Variants in UBA6 observed in about 807,000 individuals in gnomAD.
The protein encoded by UBA6 is ubiquitin-like modifier-activating enzyme 6.
UBA6 carries 87 observed loss-of-function variants against 148.3 expected under a neutral mutation model. The observed-to-expected ratio is 0.59, with a 90% CI of 0.49 to 0.70. The LOEUF (loss-of-function observed/expected upper bound fraction) is 0.70. Ranked by LOEUF, UBA6 falls within the 30% of genes least tolerant of loss-of-function variation. The pLI is 0.00. For missense variants in UBA6, 1,186 were observed against 1,241.2 expected (o/e 0.96, Z 0.67); for synonymous variants, 376 against 401.0 (o/e 0.94, Z 0.75).
In UBA6 at chr4:67,678,542, A is replaced by G; in HGVS notation, c.259-9T>C. 6.4e-7 allele frequency: 1 copy of G among 1,564,290 alleles called. No homozygotes were observed. Among genetic ancestry groups the G allele is most frequent in the Non-Finnish European group, 8.7e-7 (1 of 1,144,738 alleles). On this transcript the variant is annotated splice_polypyrimidine_tract_variant and intron_variant, in intron 4 of 32. Coordinates refer to ENST00000322244, the MANE Select transcript of UBA6 (RefSeq NM_018227.6). ...TCATGAATTGTAACTGCCTTCAAAA[A>G]AGAAAAAAGTATTGGTTGAAGTCAG...
At chr4:67,692,328 G>GA (rs1730713461) in intron 2 of UBA6, among the ~76,000 whole-genome samples, 1 of 152,074 alleles carries the variant, frequency 6.6e-6, no homozygotes, top group Non-Finnish European at 1.5e-5. Flanking sequence ...GCTCTATTTT[G>GA]AAAAAAATTG....
At chr4:67,624,868 A>C (rs1272941469) in intron 29 of UBA6, 126 bp downstream of exon 29, 2 of 715,650 alleles carry the variant, frequency 2.8e-6, no homozygotes, top group African/African-American at 3.5e-5. Flanking sequence ...TGAAATTTTA[A>C]ATTATGAGAT....
chr4:67,659,635 C>T (rs4860856), intron 13 of UBA6, among the ~76,000 whole-genome samples: 1,118 of 16,846 alleles, frequency 0.066, 2 homozygotes, highest in East Asian at 0.18. Flanking sequence ...ATATAAAATA[C>T]ATATATTTTA....
At chr4:67,700,019 G>A (rs1413333138) in intron 1 of UBA6, among the ~76,000 whole-genome samples, 2 of 152,322 alleles carry the variant, frequency 1.3e-5, no homozygotes, top group South Asian at 2.1e-4. Flanking sequence ...ATAAAAACGA[G>A]AACAGCTGCA....
Position 67,681,556 on chromosome 4 carries a change from T to C in UBA6, c.258+7A>G, listed in dbSNP as rs1362425845. On this transcript the variant is annotated splice_region_variant and intron_variant, in intron 4 of 32. Coordinates refer to ENST00000322244, the MANE Select transcript of UBA6 (RefSeq NM_018227.6). Reference sequence around the variant, plus strand: ...AACAATTTTTCTTACAGAGGACATTTACTTACCTTAATCCCTGCAAGAACA... The same window carrying C: ...AACAATTTTTCTTACAGAGGACATTCACTTACCTTAATCCCTGCAAGAACA... 5 of 1,569,440 alleles carry C rather than the reference T, an allele frequency of 3.2e-6. No individual in the cohort carries two copies. In the Admixed American group the frequency reaches 8.3e-5, roughly 26 times the overall value.
chr4:67,700,314 A>G (rs1436032443), intron 1 of UBA6, among the ~76,000 whole-genome samples: 1 of 152,190 alleles, frequency 6.6e-6, no homozygotes, highest in Admixed American at 6.5e-5. Flanking sequence ...CATCAATTCT[A>G]TCTTTGGCAT....
chr4:67,660,054 G>A (rs576283766), intron 13 of UBA6, among the ~76,000 whole-genome samples: 1 of 152,216 alleles, frequency 6.6e-6, no homozygotes. Context: ...GCATTCAAGG[G>A]GTGACTTGGG....
At chr4:67,624,548 C>G (rs1728822340) in intron 29 of UBA6, among the ~76,000 whole-genome samples, 1 of 152,022 alleles carries the variant, frequency 6.6e-6, no homozygotes, top group African/African-American at 2.4e-5. Flanking sequence ...TAACAACAGT[C>G]TAAAATCACT....
chr4:67,698,144 C>A (rs1009007440), intron 1 of UBA6, among the ~76,000 whole-genome samples: 1 of 152,194 alleles, frequency 6.6e-6, no homozygotes, highest in African/African-American at 2.4e-5. Context: ...CTCGGAATAG[C>A]TGACTTCTTG....
chr4:67,634,891 G>A (rs1378736043), intron 20 of UBA6, among the ~76,000 whole-genome samples: 1 of 152,082 alleles, frequency 6.6e-6, no homozygotes, highest in Non-Finnish European at 1.5e-5. Context: ...CCAGTATAGT[G>A]CTCAGAAAAG....
rs192376949 is a variant in UBA6 at position 67,687,277 on chromosome 4, G to A, written c.135-5064C>T. Among the ~76,000 whole-genome samples the A allele has an allele frequency of 4.6e-3, 691 of 151,844 alleles. 11 individuals are homozygous for A. The highest frequency in any genetic ancestry group is 0.013 in the African/African-American group (559 of 41,444). On this transcript the variant is annotated intron_variant, in intron 2 of 32. Coordinates refer to ENST00000322244, the MANE Select transcript of UBA6 (RefSeq NM_018227.6). ...TCTCAAACTCCTGACCTTGTCATCC[G>A]CCTGCCTCAGCCTCCCAAAGTGCTG...
chr4:67,636,444 C>T (rs907236585), intron 19 of UBA6, among the ~76,000 whole-genome samples: 10 of 152,332 alleles, frequency 6.6e-5, no homozygotes, highest in South Asian at 4.1e-4. Flanking sequence ...GATGCCGAGC[C>T]GAAGCTGGAC....
intron 13 of UBA6, among the ~76,000 whole-genome samples, chr4:67,659,602 A>T (rs1284212712): frequency 6.6e-6 from 1 of 152,008 alleles, no homozygotes; most frequent in African/African-American, 2.4e-5. Flanking sequence ...AAATACCCAA[A>T]ACTGGGTATT....
intron 27 of UBA6, among the ~76,000 whole-genome samples, chr4:67,627,739 C>T (rs909860846): frequency 2.3e-4 from 35 of 151,212 alleles, no homozygotes; most frequent in African/African-American, 8.5e-4. Flanking sequence ...AGACTGCACA[C>T]GTCACTTCTT....
At chr4:67,628,094 A>G (rs1161917566) in intron 27 of UBA6, among the ~76,000 whole-genome samples, 2 of 151,772 alleles carry the variant, frequency 1.3e-5, no homozygotes, top group East Asian at 1.9e-4. Flanking sequence ...AGTAGGATAC[A>G]TTAAGCAGAT....
At chr4:67,661,856 A>G (rs975705685) in intron 13 of UBA6, 17 of 321,624 alleles carry the variant, frequency 5.3e-5, no homozygotes, top group African/African-American at 1.7e-4. Flanking sequence ...GCTAACATAT[A>G]TAAGTTTAAG....
At chr4:67,668,780 ACCGAAATTCTAAGCT>A in intron 8 of UBA6, 106 bp from the exon 9 acceptor site, 1 of 1,073,794 alleles carries the variant, frequency 9.3e-7, no homozygotes, top group East Asian at 2.6e-5. Flanking sequence ...AATTCTCAAA[ACCGAAATTCTAAGCT>A]ATTCTTCTGT....
At chr4:67,647,032 A>T (rs957036968) in intron 14 of UBA6, among the ~76,000 whole-genome samples, 9 of 152,302 alleles carry the variant, frequency 5.9e-5, no homozygotes, top group African/African-American at 2.2e-4. Context: ...TCACTTAGCC[A>T]TCACAAACAT....
rs1307742687 is a variant in UBA6, at chr4:67,616,366, T to C, written c.*2631A>G. 2.8e-6 allele frequency: 1 copy of C among 357,340 alleles called. No homozygotes were observed. Among genetic ancestry groups the C allele is most frequent in the Non-Finnish European group, 5.0e-6 (1 of 200,540 alleles). 22.1% of individuals were successfully genotyped at this position (357,340 alleles called of 1,614,324 possible). A position where few individuals can be genotyped will look rare whatever the true frequency, so the allele number is the denominator to read the frequency against. ...AATTTTCTATCTTCATTTTACTAAT[T>C]ATAAAATAAACATAGTTGCTTTTTT... is the stretch of plus-strand genomic sequence containing the variant. On this transcript the variant is annotated 3_prime_UTR_variant, in exon 33 of 33. Coordinates refer to ENST00000322244, the MANE Select transcript of UBA6 (RefSeq NM_018227.6).
Sources: gnomAD v4.1 joint callset for allele counts (sites outside exome capture counted in the v4.1 genomes callset) on GRCh38, gnomAD v4.1.1 for gene constraint, MANE v1.5 for transcripts, NCBI Gene and HGNC (gene_info 2026-07-23, HGNC 2026-07-21) for gene names.